Variants in SORBS2 observed in about 807,000 individuals in gnomAD.
The protein encoded by SORBS2 is sorbin and SH3 domain containing 2, also known as sorbin and SH3 domain-containing protein 2.
In SORBS2, 46 loss-of-function variants were observed where a neutral mutation model predicts 97.7. The observed-to-expected ratio is 0.47, with a 90% CI of 0.37 to 0.60. The LOEUF is 0.60. SORBS2 is among the 20% of genes least tolerant of loss of function. The pLI is 0.00. For synonymous variants in SORBS2, 476 were observed against 473.4 expected, an observed-to-expected ratio of 1.01 and a Z score of -0.07; for missense variants, 1,316 against 1,282.3, an observed-to-expected ratio of 1.03 and a Z score of -0.40.
At chr4:185,626,026 G>A (rs1413527738) in intron 6 of SORBS2, among the ~76,000 whole-genome samples, 1 of 152,216 alleles carries the variant, frequency 6.6e-6, no homozygotes, top group Non-Finnish European at 1.5e-5. Flanking sequence ...ACATTTGGTA[G>A]AGCCCTAGCT....
At chr4:185,862,070 G>A (rs2099224121) in intron 1 of SORBS2, among the ~76,000 whole-genome samples, 1 of 152,218 alleles carries the variant, frequency 6.6e-6, no homozygotes, top group Admixed American at 6.5e-5. Context: ...CCGGAGTAGA[G>A]AGTATGCAGA....
chr4:185,620,213 C>T (rs72718122), intron 7 of SORBS2, 62 bp from the exon 20 acceptor site: 104,262 of 1,107,666 alleles, frequency 0.094, 5,688 homozygotes, highest in Non-Finnish European at 0.11. Flanking sequence ...CAACCTGTTC[C>T]GCCATTTTCC....
intron 1 of SORBS2, among the ~76,000 whole-genome samples, chr4:185,948,842 T>A (rs1253055862): frequency 1.3e-5 from 2 of 152,182 alleles, no homozygotes; most frequent in East Asian, 3.9e-4. Context: ...ATTAAATTGT[T>A]ATTTTTTTCT....
chr4:185,723,281 C>G (rs924544433), intron 2 of SORBS2, among the ~76,000 whole-genome samples: 1 of 152,166 alleles, frequency 6.6e-6, no homozygotes, highest in Non-Finnish European at 1.5e-5. Context: ...GCTGAAAACA[C>G]AGAGACAAGG....
At chr4:185,757,126 C>T in intron 2 of SORBS2, 1 of 480,696 alleles carries the variant, frequency 2.1e-6, no homozygotes, top group East Asian at 4.2e-5. Context: ...ACACTGTCCA[C>T]TGTAGGGGTT....
chr4:185,677,820 G>C (rs1582536214), intron 4 of SORBS2, among the ~76,000 whole-genome samples: 1 of 152,244 alleles, frequency 6.6e-6, no homozygotes, highest in South Asian at 2.1e-4. Flanking sequence ...ATTCCATTTA[G>C]AATGCACTTA....
At chr4:185,855,482 C>G (rs1468241776) in intron 1 of SORBS2, among the ~76,000 whole-genome samples, 5 of 152,026 alleles carry the variant, frequency 3.3e-5, no homozygotes, top group Non-Finnish European at 7.4e-5. Context: ...CTTGAAATCC[C>G]TGGAGGGAAA....
At chr4:185,680,744 G>A (rs2097856166) in intron 2 of SORBS2, among the ~76,000 whole-genome samples, 1 of 152,144 alleles carries the variant, frequency 6.6e-6, no homozygotes, top group African/African-American at 2.4e-5. Context: ...TGCAGGTGCG[G>A]TGAGAAAGAA....
At position 185,646,794 on chromosome 4, in the gene SORBS2, C is replaced by A; in HGVS notation, c.282-12G>T. 1 of 1,393,924 alleles carries A rather than the reference C, an allele frequency of 7.2e-7. No homozygotes were observed. 86.3% of individuals were successfully genotyped at this position (1,393,924 alleles called of 1,614,324 possible). A position where few individuals can be genotyped will look rare whatever the true frequency, so the allele number is the denominator to read the frequency against. On this transcript the variant is annotated splice_polypyrimidine_tract_variant and intron_variant, in intron 3 of 14. Transcript: ENST00000418609. Reference sequence around the variant, plus strand: ...GATCCCAGTCATGCCTAGAAATAAACAATAAATCACACATTAAAATAATCC... The same window carrying A: ...GATCCCAGTCATGCCTAGAAATAAAAAATAAATCACACATTAAAATAATCC...
intron 4 of SORBS2, among the ~76,000 whole-genome samples, chr4:185,634,067 T>C (rs1021610562): frequency 2.0e-5 from 3 of 152,200 alleles, no homozygotes; most frequent in Non-Finnish European, 4.4e-5. Context: ...AATGTAAGCC[T>C]TTAGAAATAA....
At chr4:185,770,760 A>G (rs34559355) in intron 2 of SORBS2, among the ~76,000 whole-genome samples, 76,099 of 151,834 alleles carry the variant, frequency 0.5, 19,855 homozygotes, top group African/African-American at 0.62. Flanking sequence ...ATCCTTGAGA[A>G]ATAAATATTA....
chr4:185,757,559 C>A (rs943573420), intron 2 of SORBS2, among the ~76,000 whole-genome samples: 9 of 152,196 alleles, frequency 5.9e-5, no homozygotes, highest in African/African-American at 2.2e-4. Flanking sequence ...TAGCATTTAT[C>A]ATTAAGGCCA....
At chr4:185,624,011 A>C in exon 7 of SORBS2, 9 of 1,614,144 alleles carry the variant, frequency 5.6e-6, no homozygotes, top group Non-Finnish European at 7.6e-6. Context: ...GGAGCAGATC[A>C]CCTCGGAGTT....
chr4:185,794,159 T>A (rs146684818), intron 1 of SORBS2, among the ~76,000 whole-genome samples: 1,573 of 152,348 alleles, frequency 0.01, 14 homozygotes, highest in Middle Eastern at 0.027. Context: ...TTCTTAAGTA[T>A]AACAAATGTC....
intron 1 of SORBS2, among the ~76,000 whole-genome samples, chr4:185,796,412 C>T (rs1001896993): frequency 6.6e-6 from 1 of 152,244 alleles, no homozygotes; most frequent in Non-Finnish European, 1.5e-5. Flanking sequence ...CCAATGGCTC[C>T]CAGGGCCCTG....
chr4:185,850,528 C>G (rs1193139208), intron 1 of SORBS2, among the ~76,000 whole-genome samples: 6 of 152,146 alleles, frequency 3.9e-5, no homozygotes. Context: ...TCTCCTACAT[C>G]AAAATAGGGA....
chr4:185,589,650 G>A (rs776656839), intron 14 of SORBS2, 29 bp downstream of exon 26: 22 of 1,342,982 alleles, frequency 1.6e-5, no homozygotes, highest in Non-Finnish European at 2.0e-5. Context: ...CAAAATAGCC[G>A]AAGGTGCCTG....
chr4:185,766,650 C>T (rs2098935713), intron 2 of SORBS2, among the ~76,000 whole-genome samples: 1 of 152,180 alleles, frequency 6.6e-6, no homozygotes, highest in Non-Finnish European at 1.5e-5. Context: ...AGTTCAAACA[C>T]ACACAAAACT....
intron 1 of SORBS2, among the ~76,000 whole-genome samples, chr4:185,867,307 G>A (rs1242569415): frequency 6.6e-6 from 1 of 152,180 alleles, no homozygotes. Flanking sequence ...ACCGCGCCTG[G>A]CCAGAAGGTT....
Sources: gnomAD v4.1 joint callset for allele counts (sites outside exome capture counted in the v4.1 genomes callset) on GRCh38, gnomAD v4.1.1 for gene constraint, MANE v1.5 for transcripts, NCBI Gene and HGNC (gene_info 2026-07-23, HGNC 2026-07-21) for gene names.